EXOC6B: variants seen among roughly 807,000 people sequenced by gnomAD.
The protein encoded by EXOC6B is SEC15 homolog B.
EXOC6B carries 54 observed loss-of-function variants against 113.5 expected under a neutral mutation model. The ratio of observed to expected loss-of-function variants is 0.48; its 90% CI spans 0.38 to 0.60. The LOEUF is 0.60. EXOC6B is among the 20% of genes least tolerant of loss of function. The probability of loss-of-function intolerance (pLI) is 0.00; values close to 1 mark genes in which losing one functional copy is unlikely to be tolerated. For missense variants in EXOC6B, 797 were observed against 977.5 expected, an observed-to-expected ratio of 0.82 and a Z score of 2.46; for synonymous variants, 357 against 339.0, an observed-to-expected ratio of 1.05 and a Z score of -0.58.
chr2:72,455,696 T>G (rs1697187588), intron 18 of EXOC6B, among the ~76,000 whole-genome samples: 1 of 152,132 alleles, frequency 6.6e-6, no homozygotes, highest in African/African-American at 2.4e-5. Context: ...AACAATGTTT[T>G]CAGAAATTTG....
rs149258074 is a variant in EXOC6B at position 72,755,347 on chromosome 2, T to A, written c.114-13878A>T. ...TCATATTTTTGAAAGGGTACTACGG[T>A]GAACACTCTATACAGTAATGATTTA... On this transcript the variant is annotated intron_variant, in intron 1 of 21. Coordinates refer to ENST00000272427, the MANE Select transcript of EXOC6B (RefSeq NM_015189.3). Among the ~76,000 whole-genome samples, 7 of 152,326 alleles carry A rather than the reference T, an allele frequency of 4.6e-5. No individual in the cohort carries two copies. The East Asian group carries it at 1.3e-3, about 29-fold the overall frequency.
At chr2:72,370,786 C>T (rs1261847433) in intron 19 of EXOC6B, among the ~76,000 whole-genome samples, 1 of 151,292 alleles carries the variant, frequency 6.6e-6, no homozygotes, top group Non-Finnish European at 1.5e-5. Flanking sequence ...ACCGCATGTT[C>T]TCACTCATAG....
intron 20 of EXOC6B, among the ~76,000 whole-genome samples, chr2:72,244,141 C>T (rs920021041): frequency 6.6e-6 from 1 of 152,164 alleles, no homozygotes; most frequent in East Asian, 1.9e-4. Flanking sequence ...AGACTGACCA[C>T]GTTCTGGGCC....
chr2:72,498,608 T>G (rs1700165911), intron 12 of EXOC6B, 57 bp from the exon 13 acceptor site: 4 of 982,194 alleles, frequency 4.1e-6, no homozygotes, highest in South Asian at 1.9e-5. Context: ...TTTTTTCGGT[T>G]TTTTTTTTTT....
chr2:72,559,486 T>G lies in EXOC6B; in HGVS notation c.882A>C (p.Pro294=). 6.2e-7 allele frequency: 1 copy of G among 1,612,984 alleles called. No homozygotes were observed. Among genetic ancestry groups the G allele is most frequent in the Non-Finnish European group, 8.5e-7 (1 of 1,179,520 alleles). ...PGAQDLVDFS[P]VYRCLHIYSV... is the part of the protein sequence containing the mutation. ...AATATATATGTAGACATCGATAAAC[T>G]GGAGAGAAATCCACCAAATCTTGGG... The change falls in exon 8 of 22, where the codon CCA becomes CCC. Residue 294 remains proline, a synonymous_variant. Transcript: ENST00000272427.
chr2:72,443,702 T>C (rs581976), intron 18 of EXOC6B, among the ~76,000 whole-genome samples: 22,248 of 152,062 alleles, frequency 0.15, 2,157 homozygotes, highest in African/African-American at 0.28. Flanking sequence ...AGAGAGAATA[T>C]GTGCAGGGGA....
At chr2:72,768,135 A>G (rs539780601) in intron 1 of EXOC6B, among the ~76,000 whole-genome samples, 87 of 149,478 alleles carry the variant, frequency 5.8e-4, no homozygotes, top group South Asian at 1.7e-3. Context: ...AAAAAAAAAA[A>G]AAAGAAAGAA....
chr2:72,409,981 C>G (rs1017405338), intron 18 of EXOC6B, among the ~76,000 whole-genome samples: 45 of 152,126 alleles, frequency 3.0e-4, no homozygotes, highest in Non-Finnish European at 5.9e-4. Flanking sequence ...CCGTCGTTCC[C>G]CCACAGAGGA....
chr2:72,474,946 T>G (rs931241221), intron 17 of EXOC6B, among the ~76,000 whole-genome samples: 1 of 152,180 alleles, frequency 6.6e-6, no homozygotes, highest in South Asian at 2.1e-4. Flanking sequence ...ATGCTGTTAG[T>G]TGGGTAGGAC....
intron 20 of EXOC6B, among the ~76,000 whole-genome samples, chr2:72,284,675 A>G (rs1203887159): frequency 6.6e-6 from 1 of 152,064 alleles, no homozygotes; most frequent in Admixed American, 6.6e-5. Context: ...GAAAGAGAAG[A>G]AAGAAAACTG....
intron 8 of EXOC6B, among the ~76,000 whole-genome samples, chr2:72,529,760 G>A (rs888129116): frequency 1.3e-5 from 2 of 152,110 alleles, no homozygotes; most frequent in African/African-American, 4.8e-5. Flanking sequence ...ACTGTGCCCA[G>A]TCCTAGAGGG....
chr2:72,467,007 C>T (rs1375760366), intron 17 of EXOC6B, among the ~76,000 whole-genome samples: 1 of 152,130 alleles, frequency 6.6e-6, no homozygotes, highest in Non-Finnish European at 1.5e-5. Flanking sequence ...CCATATTCCC[C>T]AGCTCTGGTA....
intron 18 of EXOC6B, among the ~76,000 whole-genome samples, chr2:72,382,369 C>CT (rs917541465): frequency 6.6e-6 from 1 of 152,120 alleles, no homozygotes; most frequent in African/African-American, 2.4e-5. Context: ...TCTGGGCTCT[C>CT]TATTTCATTC....
At chr2:72,412,920 C>T (rs1445785168) in intron 18 of EXOC6B, among the ~76,000 whole-genome samples, 3 of 151,626 alleles carry the variant, frequency 2.0e-5, no homozygotes, top group Non-Finnish European at 4.4e-5. Context: ...CCTTCCTTTC[C>T]TTTCCTTCCT....
At chr2:72,631,426 G>GTGTGTGTGTATATATATATATA (rs1290760055) in intron 6 of EXOC6B, among the ~76,000 whole-genome samples, 1 of 28,164 alleles carries the variant, frequency 3.6e-5, no homozygotes, top group African/African-American at 1.2e-4. Context: ...GTGTGTGTGT[G>GTGTGTGTGTATATATATATATA]TATATATATA....
intron 16 of EXOC6B, among the ~76,000 whole-genome samples, chr2:72,491,827 A>T (rs2105541781): frequency 6.6e-6 from 1 of 152,266 alleles, no homozygotes; most frequent in Admixed American, 6.5e-5. Context: ...CTACAAGCTG[A>T]TAAAGAGTAA....
intron 19 of EXOC6B, among the ~76,000 whole-genome samples, chr2:72,371,496 G>A (rs1691013443): frequency 1.3e-5 from 2 of 152,306 alleles, no homozygotes; most frequent in East Asian, 3.9e-4. Context: ...TCATGACCAA[G>A]TGGGATTTAT....
intron 6 of EXOC6B, among the ~76,000 whole-genome samples, chr2:72,643,820 A>C (rs1380788822): frequency 7.1e-6 from 1 of 140,786 alleles, no homozygotes; most frequent in Non-Finnish European, 1.5e-5. Context: ...AAAATAAATA[A>C]ATAAATAAAT....
In EXOC6B at chr2:72,355,389, G is replaced by A. The variant is rs114377549; in HGVS notation, c.2123-20369C>T. 5.7e-3 allele frequency among the ~76,000 whole-genome samples: 865 copies of A among 152,178 alleles called. 10 individuals are homozygous for A. Among genetic ancestry groups the A allele is most frequent in the African/African-American group, 0.019 (798 of 41,518 alleles). ...AAGAAGGTATGCTCTAACAAAGATT[G>A]GCGACTCAAATCCCTATATATTTCC... is the stretch of plus-strand genomic sequence containing the variant. On this transcript the variant is annotated intron_variant, in intron 19 of 21. Transcript: ENST00000272427.
Sources: allele counts gnomAD v4.1 joint callset (sites outside exome capture counted in the v4.1 genomes callset), GRCh38; gene constraint gnomAD v4.1.1; transcripts MANE v1.5; gene names NCBI Gene and HGNC (gene_info 2026-07-23, HGNC 2026-07-21).